RALY: variants seen among roughly 807,000 people sequenced by gnomAD.
The protein encoded by RALY is RNA-binding protein Raly.
A neutral mutation model predicts 30.7 loss-of-function variants in RALY; 15 were observed. The observed-to-expected ratio is 0.49, with a 90% CI of 0.33 to 0.75. The LOEUF (loss-of-function observed/expected upper bound fraction) is 0.75, where lower values mean the gene tolerates loss of function less well. Ranked by LOEUF, RALY falls within the 30% of genes least tolerant of loss-of-function variation. RALY has a pLI of 0.02. For synonymous variants in RALY, 177 were observed against 170.8 expected (o/e 1.04, Z -0.28); for missense variants, 339 against 414.3 (o/e 0.82, Z 1.58).
chr20:34,066,951 C>T (rs562489077), intron 2 of RALY, among the ~76,000 whole-genome samples: 2 of 152,276 alleles, frequency 1.3e-5, no homozygotes, highest in South Asian at 2.1e-4. Context: ...GTGGCTGACT[C>T]AAGGTAACAT....
At chr20:34,067,191 C>T (rs949347120) in intron 2 of RALY, among the ~76,000 whole-genome samples, 10 of 152,132 alleles carry the variant, frequency 6.6e-5, no homozygotes, top group African/African-American at 2.4e-4. Flanking sequence ...TAGTGGCCGT[C>T]CTTTTCTTTT....
intron 2 of RALY, among the ~76,000 whole-genome samples, chr20:34,051,308 G>C (rs1295656117): frequency 1.3e-5 from 2 of 152,144 alleles, no homozygotes; most frequent in Non-Finnish European, 2.9e-5. Flanking sequence ...GCCCAAAACA[G>C]AACCAAGATT....
intron 1 of RALY, among the ~76,000 whole-genome samples, chr20:34,005,473 C>T (rs1046808309): frequency 5.9e-5 from 9 of 151,590 alleles, no homozygotes; most frequent in African/African-American, 2.2e-4. Context: ...CGTGCCACTG[C>T]GCTCCAGCCT....
Position 34,080,140 on chromosome 20 carries a change from A to T in RALY, c.*235A>T, listed in dbSNP as rs2034004797. 1.3e-5 allele frequency: 2 copies of T among 152,426 alleles called. No homozygotes were observed. The highest frequency in any genetic ancestry group is 1.3e-4 in the Admixed American group (2 of 15,280). The allele number at this position is 152,426 out of a possible 1,614,324, so 9.4% of individuals were successfully genotyped here. ...CTGCACTGCCCAGGCCAGAGGGTAG[A>T]GCACAGGGGTTTCCCCATACTACCT... On this transcript the variant is annotated 3_prime_UTR_variant, in exon 10 of 10. Coordinates refer to ENST00000246194, the MANE Select transcript of RALY (RefSeq NM_016732.3).
At position 34,014,466 on chromosome 20, in the gene RALY, G is replaced by T. The variant is rs193175778; in HGVS notation, c.-92-17056G>T. The stretch of plus-strand genomic sequence containing the variant: ...GGTAAACGTGACAGTTAAAGTGGTG[G>T]ATTATGTATATGTATTATAATTTAG... On this transcript the variant is annotated intron_variant, in intron 1 of 9. Coordinates refer to ENST00000246194, the MANE Select transcript of RALY (RefSeq NM_016732.3). Among the ~76,000 whole-genome samples, 7 of 152,268 alleles carry T rather than the reference G, an allele frequency of 4.6e-5. No individual in the cohort carries two copies. The East Asian group carries it at 1.3e-3, about 29-fold the overall frequency.
chr20:34,002,672 G>C (rs1002463933), intron 1 of RALY, among the ~76,000 whole-genome samples: 1 of 152,052 alleles, frequency 6.6e-6, no homozygotes, highest in African/African-American at 2.4e-5. Context: ...TTTATCCTCT[G>C]TTGCTAAGGT....
rs2034042132 is a variant in RALY at position 34,082,279 on chromosome 20, T to TGG, written c.*2378_*2379dup. 1 of 152,114 alleles carries TGG rather than the reference T, an allele frequency of 6.6e-6. No homozygotes were observed. The highest frequency in any genetic ancestry group is 2.4e-5 in the African/African-American group (1 of 41,422). The allele number at this position is 152,114 out of a possible 1,614,324, so 9.4% of individuals were successfully genotyped here. A position where few individuals can be genotyped will look rare whatever the true frequency, so the allele number is the denominator to read the frequency against. Reference sequence around the variant, plus strand: ...TCTTGGTGTCCCCATCTGTGAAACATGGGGGACAGCTGCTAGCCTGGATTG... The same window carrying TGG: ...TCTTGGTGTCCCCATCTGTGAAACATGGGGGGGACAGCTGCTAGCCTGGATTG... On this transcript the variant is annotated 3_prime_UTR_variant, in exon 10 of 10. Coordinates refer to ENST00000246194, the MANE Select transcript of RALY (RefSeq NM_016732.3).
At chr20:34,056,659 T>A (rs1303837322) in intron 2 of RALY, among the ~76,000 whole-genome samples, 1 of 152,204 alleles carries the variant, frequency 6.6e-6, no homozygotes, top group African/African-American at 2.4e-5. Context: ...ACTCAAAAGC[T>A]AGTAAACACA....
In RALY at chr20:34,067,367, T is replaced by C. The variant is rs1394727213; in HGVS notation, c.-9-4699T>C. Among the ~76,000 whole-genome samples the C allele has an allele frequency of 3.9e-5, 6 of 151,944 alleles. No individual in the cohort carries two copies. The East Asian group carries it at 1.2e-3, about 29-fold the overall frequency. On this transcript the variant is annotated intron_variant, in intron 2 of 9. Transcript: ENST00000246194. ...TTAAAGTAGAGACGGGGTTTCACCA[T>C]GTTAGCTAGGCTGGTCCTGAACTCC...
chr20:33,994,467 C>G (rs1305039304), intron 1 of RALY: 1 of 152,320 alleles, frequency 6.6e-6, no homozygotes. Context: ...TGCTCGTGCC[C>G]CGCCCCGCCC....
At chr20:34,033,858 T>G (rs1302100230) in intron 2 of RALY, among the ~76,000 whole-genome samples, 1 of 152,200 alleles carries the variant, frequency 6.6e-6, no homozygotes, top group Non-Finnish European at 1.5e-5. Flanking sequence ...GTAAATCTTC[T>G]TCTGTGCCCT....
chr20:34,003,541 C>T (rs978551814), intron 1 of RALY, among the ~76,000 whole-genome samples: 1 of 151,658 alleles, frequency 6.6e-6, no homozygotes, highest in African/African-American at 2.4e-5. Flanking sequence ...TGGAGGTGAA[C>T]TGTTCAGCGG....
At chr20:34,069,149 G>C (rs946845117) in intron 2 of RALY, among the ~76,000 whole-genome samples, 2 of 152,170 alleles carry the variant, frequency 1.3e-5, no homozygotes, top group Admixed American at 1.3e-4. Context: ...GCATTATACA[G>C]AATGTGTTCC....
At chr20:34,041,331 C>G (rs1222419744) in intron 2 of RALY, among the ~76,000 whole-genome samples, 1 of 152,188 alleles carries the variant, frequency 6.6e-6, no homozygotes, top group African/African-American at 2.4e-5. Context: ...CTGATAGGTT[C>G]TCAAATCTGT....
intron 1 of RALY, among the ~76,000 whole-genome samples, chr20:34,006,397 C>T (rs1476312723): frequency 6.6e-6 from 1 of 152,180 alleles, no homozygotes; most frequent in Non-Finnish European, 1.5e-5. Context: ...TGTAACAGTT[C>T]CTCAGTAAAA....
At chr20:34,000,180 G>T (rs189598599) in intron 1 of RALY, among the ~76,000 whole-genome samples, 517 of 152,282 alleles carry the variant, frequency 3.4e-3, no homozygotes, top group Middle Eastern at 0.014. Flanking sequence ...ATTGTGCTCA[G>T]GGTGCAGCTC....
chr20:34,029,844 T>G (rs2032202794), intron 1 of RALY: 1 of 152,402 alleles, frequency 6.6e-6, no homozygotes, highest in South Asian at 2.1e-4. Flanking sequence ...CCTCAATCCC[T>G]TCACTCATGA....
At chr20:34,040,274 T>A (rs1000512005) in intron 2 of RALY, among the ~76,000 whole-genome samples, 26 of 152,152 alleles carry the variant, frequency 1.7e-4, no homozygotes, top group African/African-American at 5.3e-4. Flanking sequence ...TTTTCCCCTC[T>A]AGAGCCAAGG....
intron 3 of RALY, 127 bp from the exon 4 acceptor site, chr20:34,073,436 C>T: frequency 1.2e-6 from 1 of 834,720 alleles, no homozygotes; most frequent in South Asian, 1.5e-5. Flanking sequence ...TTTGTTGGCA[C>T]CATCAGTGAG....
Sources: allele counts gnomAD v4.1 joint callset (sites outside exome capture counted in the v4.1 genomes callset), GRCh38; gene constraint gnomAD v4.1.1; transcripts MANE v1.5; gene names NCBI Gene and HGNC (gene_info 2026-07-23, HGNC 2026-07-21).